Variants in BAZ2B observed in about 807,000 individuals in gnomAD.
BAZ2B encodes bromodomain adjacent to zinc finger domain 2B, also known as bromodomain adjacent to zinc finger domain protein 2B.
Under a neutral mutation model 246.0 loss-of-function variants are expected in BAZ2B, and 91 were observed. The observed-to-expected ratio is 0.37, with a 90% CI of 0.31 to 0.44. The LOEUF is 0.44. BAZ2B is among the 20% of genes least tolerant of loss of function. The probability of loss-of-function intolerance (pLI) is 1.00; values close to 1 mark genes in which losing one functional copy is unlikely to be tolerated. For missense variants in BAZ2B, 2,332 were observed against 2,533.7 expected (o/e 0.92, Z 1.71); for synonymous variants, 855 against 860.0 (o/e 0.99, Z 0.10).
intron 1 of BAZ2B, among the ~76,000 whole-genome samples, chr2:159,604,966 G>A (rs1055887769): frequency 1.3e-5 from 2 of 152,052 alleles, no homozygotes; most frequent in Non-Finnish European, 2.9e-5. Context: ...GTGTGTGCGC[G>A]CGCTAGGAGA....
chr2:159,360,389 A>C (rs1215828749), intron 27 of BAZ2B, among the ~76,000 whole-genome samples: 1 of 152,180 alleles, frequency 6.6e-6, no homozygotes, highest in African/African-American at 2.4e-5. Flanking sequence ...TAGGAATCCA[A>C]CTTACAAGGG....
chr2:159,343,331 G>A (rs2067095791), intron 31 of BAZ2B, among the ~76,000 whole-genome samples: 1 of 152,042 alleles, frequency 6.6e-6, no homozygotes, highest in African/African-American at 2.4e-5. Context: ...CAGGACACTG[G>A]TCTGGGAAAA....
chr2:159,389,911 AG>A (rs2063122670), intron 20 of BAZ2B, among the ~76,000 whole-genome samples: 1 of 151,006 alleles, frequency 6.6e-6, no homozygotes, highest in Non-Finnish European at 1.5e-5. Context: ...CTGTGAGGAA[AG>A]AAAAATATTA....
chr2:159,463,426 A>G (rs1370246069), intron 3 of BAZ2B: 1 of 175,818 alleles, frequency 5.7e-6, no homozygotes, highest in Non-Finnish European at 1.2e-5. Context: ...TTATATGGTA[A>G]TTCTATTTTT....
intron 20 of BAZ2B, among the ~76,000 whole-genome samples, chr2:159,390,278 C>T (rs1194632853): frequency 6.6e-6 from 1 of 152,024 alleles, no homozygotes; most frequent in Non-Finnish European, 1.5e-5. Flanking sequence ...AAATAAGGTC[C>T]AAGTCCTTAC....
At chr2:159,540,199 G>A (rs1028694333) in intron 2 of BAZ2B, among the ~76,000 whole-genome samples, 1 of 152,132 alleles carries the variant, frequency 6.6e-6, no homozygotes, top group African/African-American at 2.4e-5. Flanking sequence ...TTTGTAGAAT[G>A]AATAAATGAG....
At chr2:159,589,386 T>G (rs1161030389) in intron 1 of BAZ2B, among the ~76,000 whole-genome samples, 1 of 151,940 alleles carries the variant, frequency 6.6e-6, no homozygotes, top group East Asian at 1.9e-4. Flanking sequence ...AAACATAGAT[T>G]AAACATAATA....
intron 1 of BAZ2B, among the ~76,000 whole-genome samples, chr2:159,572,230 T>G (rs938278362): frequency 6.6e-6 from 1 of 152,202 alleles, no homozygotes; most frequent in Non-Finnish European, 1.5e-5. Flanking sequence ...TTATCTGTTA[T>G]AATAAACTGA....
chr2:159,345,515 C>G (rs903962408), intron 31 of BAZ2B, among the ~76,000 whole-genome samples: 1 of 152,104 alleles, frequency 6.6e-6, no homozygotes, highest in Non-Finnish European at 1.5e-5. Context: ...CTACTGATAA[C>G]ACAGCCAAGA....
chr2:159,386,312 C>G, intron 22 of BAZ2B, 41 bp downstream of exon 22: 2 of 1,531,824 alleles, frequency 1.3e-6, no homozygotes, highest in Non-Finnish European at 1.8e-6. Context: ...AATGCACTGA[C>G]AGTACAAATT....
chr2:159,428,988 C>CCCCAG (rs1282288046), intron 11 of BAZ2B, among the ~76,000 whole-genome samples: 1 of 152,052 alleles, frequency 6.6e-6, no homozygotes, highest in Non-Finnish European at 1.5e-5. Flanking sequence ...TATCATCCCA[C>CCCCAG]CCCAGCTCTG....
chr2:159,525,782 T>C (rs1300495132), intron 2 of BAZ2B, among the ~76,000 whole-genome samples: 5 of 152,252 alleles, frequency 3.3e-5, no homozygotes, highest in Middle Eastern at 6.8e-3. Flanking sequence ...ACAAAGGACA[T>C]ATGTAAAAAA....
chr2:159,411,872 A>C, intron 14 of BAZ2B: 2 of 839,544 alleles, frequency 2.4e-6, no homozygotes, highest in Non-Finnish European at 2.9e-6. Context: ...TCTGGACTAC[A>C]GGAGAACCCA....
chr2:159,602,304 G>A (rs1046715751), intron 1 of BAZ2B, among the ~76,000 whole-genome samples: 7 of 152,262 alleles, frequency 4.6e-5, no homozygotes, highest in Admixed American at 3.3e-4. Flanking sequence ...GGAGGAAAAG[G>A]AGAACTAAAA....
the BAZ2B span, among the ~76,000 whole-genome samples, chr2:159,645,520 G>T: frequency 6.6e-6 from 1 of 151,964 alleles, no homozygotes; most frequent in South Asian, 2.1e-4. Context: ...TCACAATAGG[G>T]TTCACATTCC....
intron 1 of BAZ2B, among the ~76,000 whole-genome samples, chr2:159,604,972 G>C (rs933060558): frequency 6.6e-6 from 1 of 151,734 alleles, no homozygotes; most frequent in African/African-American, 2.4e-5. Context: ...GCGCGCGCTA[G>C]GAGAGAGAGA....
the BAZ2B span, among the ~76,000 whole-genome samples, chr2:159,668,972 C>T: frequency 6.6e-6 from 1 of 152,038 alleles, no homozygotes; most frequent in African/African-American, 2.4e-5. Flanking sequence ...AGGAGAATTG[C>T]TTGAACCTAG....
chr2:159,496,237 G>A (rs1442575571), intron 2 of BAZ2B, among the ~76,000 whole-genome samples: 1 of 149,732 alleles, frequency 6.7e-6, no homozygotes, highest in Admixed American at 6.6e-5. Context: ...CTAGCCAGGC[G>A]TGATGGCACA....
Position 159,349,917 on chromosome 2 carries a change from G to C in BAZ2B, c.4654C>G (p.Leu1552Val), listed in dbSNP as rs2058374161. The C allele has an allele frequency of 6.2e-7, 1 of 1,614,164 alleles. No homozygotes were observed. The highest frequency in any genetic ancestry group is 8.5e-7 in the Non-Finnish European group (1 of 1,180,000). ...AACCATTGTCTATTCTTTTCAGTCA[G>C]CGTTTTTAGTAACTGGTCATTGGGG... Reference protein sequence around the residue: ...PLPNDQLLKTLTEKNRQWFSL... With the variant: ...PLPNDQLLKTVTEKNRQWFSL... The change falls in exon 28 of 37, where the codon CTG becomes GTG. Residue 1552 changes from leucine to valine, a missense_variant. Physicochemically the swap from Leu to Val is conservative, Grantham distance 32. Coordinates refer to ENST00000392783, the MANE Select transcript of BAZ2B (RefSeq NM_013450.4).
Sources: gnomAD v4.1 joint callset for allele counts (sites outside exome capture counted in the v4.1 genomes callset) on GRCh38, gnomAD v4.1.1 for gene constraint, MANE v1.5 for transcripts, NCBI Gene and HGNC (gene_info 2026-07-23, HGNC 2026-07-21) for gene names.